Variants in CSMD1 observed in about 807,000 individuals in gnomAD.
CSMD1 encodes CUB and sushi domain-containing protein 1.
In CSMD1, 213 loss-of-function variants were observed where a neutral mutation model predicts 417.5. The ratio of observed to expected loss-of-function variants is 0.51; its 90% CI spans 0.46 to 0.57. The LOEUF is 0.57. CSMD1 is among the 20% of genes least tolerant of loss of function. The probability of loss-of-function intolerance (pLI) is 0.00; values close to 1 mark genes in which losing one functional copy is unlikely to be tolerated. For missense variants in CSMD1, 6,923 were observed against 4,529.7 expected, an observed-to-expected ratio of 1.53 and a Z score of -15.17; for synonymous variants, 2,862 against 1,736.8, an observed-to-expected ratio of 1.65 and a Z score of -16.11.
intron 5 of CSMD1, among the ~76,000 whole-genome samples, chr8:3,865,514 G>T (rs1003208995): frequency 2.0e-5 from 3 of 152,030 alleles, no homozygotes; most frequent in African/African-American, 4.8e-5. Context: ...AATAGTGGGG[G>T]AAAGAGTTGG....
intron 30 of CSMD1, among the ~76,000 whole-genome samples, chr8:3,207,892 G>T (rs1056683936): frequency 6.6e-6 from 1 of 152,020 alleles, no homozygotes; most frequent in Admixed American, 6.6e-5. Context: ...CTTTTAGATG[G>T]AGGATATTTC....
chr8:4,497,721 A>G (rs1802049894), intron 2 of CSMD1, among the ~76,000 whole-genome samples: 1 of 152,240 alleles, frequency 6.6e-6, no homozygotes, highest in African/African-American at 2.4e-5. Context: ...CTAAAAATAC[A>G]CAACTCCTTT....
chr8:4,296,717 T>C (rs1230566237), intron 3 of CSMD1, among the ~76,000 whole-genome samples: 1 of 129,210 alleles, frequency 7.7e-6, no homozygotes, highest in Non-Finnish European at 1.7e-5. Flanking sequence ...TTTTTTTTTC[T>C]CCAGGGCTTA....
chr8:3,915,682 T>C (rs1025236949), intron 5 of CSMD1, among the ~76,000 whole-genome samples: 1 of 151,544 alleles, frequency 6.6e-6, no homozygotes, highest in African/African-American at 2.4e-5. Flanking sequence ...ACTAATAATG[T>C]AGAACTCTAT....
chr8:3,553,310 A>T (rs1798999037), intron 10 of CSMD1, among the ~76,000 whole-genome samples: 1 of 152,174 alleles, frequency 6.6e-6, no homozygotes, highest in Admixed American at 6.5e-5. Context: ...GAGACATGAG[A>T]GCCAATTTCA....
chr8:4,131,313 G>A (rs1803088854), intron 3 of CSMD1, among the ~76,000 whole-genome samples: 1 of 152,162 alleles, frequency 6.6e-6, no homozygotes, highest in Non-Finnish European at 1.5e-5. Context: ...CCTGTAATGT[G>A]AGGTCTGACT....
intron 23 of CSMD1, among the ~76,000 whole-genome samples, chr8:3,317,592 T>G (rs1805858837): frequency 6.6e-6 from 1 of 152,220 alleles, no homozygotes; most frequent in South Asian, 2.1e-4. Flanking sequence ...AATTTTGTTT[T>G]GTTTTGTTTA....
Position 4,281,393 on chromosome 8 carries a change from A to G in CSMD1, c.415+138560T>C, listed in dbSNP as rs111357375. The stretch of plus-strand genomic sequence containing the variant: ...TGCATAAACCAGTGGTTTTTCACCA[A>G]AAAACAGCTTTAAATTATCATGTCT... On this transcript the variant is annotated intron_variant, in intron 3 of 69. Coordinates refer to ENST00000635120, the MANE Select transcript of CSMD1 (RefSeq NM_033225.6). 1.2e-3 allele frequency among the ~76,000 whole-genome samples: 178 copies of G among 152,280 alleles called. 1 individual carries two copies. Among genetic ancestry groups the G allele is most frequent in the African/African-American group, 4.0e-3 (166 of 41,574 alleles).
intron 26 of CSMD1, among the ~76,000 whole-genome samples, chr8:3,232,352 T>G (rs1213454695): frequency 1.3e-5 from 2 of 152,236 alleles, no homozygotes; most frequent in Non-Finnish European, 2.9e-5. Flanking sequence ...GTTCTGTGAC[T>G]CTCTGTCTCT....
intron 5 of CSMD1, among the ~76,000 whole-genome samples, chr8:3,810,699 A>G (rs766176153): frequency 3.9e-5 from 6 of 152,208 alleles, no homozygotes; most frequent in Non-Finnish European, 7.3e-5. Flanking sequence ...GAAATGGTTT[A>G]TCTCTTGTAA....
intron 10 of CSMD1, among the ~76,000 whole-genome samples, chr8:3,545,454 A>G (rs1335233209): frequency 6.6e-6 from 1 of 152,218 alleles, no homozygotes; most frequent in Non-Finnish European, 1.5e-5. Flanking sequence ...GCAAAACAGA[A>G]GGTAAATTTT....
At chr8:3,185,434 T>C (rs1394350087) in intron 36 of CSMD1, among the ~76,000 whole-genome samples, 1 of 152,226 alleles carries the variant, frequency 6.6e-6, no homozygotes, top group African/African-American at 2.4e-5. Context: ...GTCTTAATTT[T>C]GCCGTCTCCT....
intron 3 of CSMD1, among the ~76,000 whole-genome samples, chr8:4,125,035 A>G (rs1647329): frequency 0.99 from 150,476 of 152,070 alleles, 74,474 homozygotes; most frequent in Non-Finnish European, 1. Flanking sequence ...TGGGGTCCGC[A>G]CGTTTCTCTA....
chr8:3,940,054 G>A (rs957548296), intron 5 of CSMD1, among the ~76,000 whole-genome samples: 4 of 152,086 alleles, frequency 2.6e-5, no homozygotes, highest in Non-Finnish European at 4.4e-5. Context: ...CTGAAGATGT[G>A]TAGATTTACA....
intron 3 of CSMD1, among the ~76,000 whole-genome samples, chr8:4,289,507 C>G (rs1051543056): frequency 3.3e-5 from 5 of 152,172 alleles, no homozygotes; most frequent in Non-Finnish European, 7.3e-5. Flanking sequence ...GTTCTGTCCA[C>G]TGTCAGTATG....
chr8:3,108,627 C>T lies in CSMD1; in HGVS notation c.6730G>A (p.Gly2244Ser), dbSNP rs866392516. ...CCGTGGAAATTGAGGACAAAGAAGC[C>T]TCCATTTGAAAAGTCGCTGTGGAAC... ...LKFHSDFSNG[G>S]FFVLNFHAFQ... Residue 2244 changes from glycine (G) to serine (S), a missense_variant, in exon 44 of 70, where the codon GGC (glycine) becomes AGC (serine). Gly to Ser is a moderately conservative substitution (Grantham distance 56). Coordinates refer to ENST00000635120, the MANE Select transcript of CSMD1 (RefSeq NM_033225.6). 1.2e-6 allele frequency: 2 copies of T among 1,613,776 alleles called. No individual in the cohort carries two copies. Among genetic ancestry groups the T allele is most frequent in the East Asian group, 2.2e-5 (1 of 44,854 alleles).
At position 3,904,452 on chromosome 8, in the gene CSMD1, G is replaced by A. The variant is rs76449647; in HGVS notation, c.818+93451C>T. 3.3e-5 allele frequency among the ~76,000 whole-genome samples: 5 copies of A among 152,228 alleles called. No individual in the cohort carries two copies. In the East Asian group the frequency reaches 7.7e-4, roughly 24 times the overall value. ...TGAGTGTGTCTAGGAATGTCCCAGA[G>A]ATTTCAGTAAATGCACATTTGGCCA... On this transcript the variant is annotated intron_variant, in intron 5 of 69. Transcript: ENST00000635120.
chr8:3,045,670 G>A (rs566142884), intron 50 of CSMD1, among the ~76,000 whole-genome samples: 88 of 152,226 alleles, frequency 5.8e-4, no homozygotes, highest in African/African-American at 2.1e-3. Flanking sequence ...GTTTTATAAT[G>A]CATCAGATTT....
At chr8:2,947,464 TGTAAA>T (rs1329367251) in intron 68 of CSMD1, among the ~76,000 whole-genome samples, 5 of 152,238 alleles carry the variant, frequency 3.3e-5, no homozygotes, top group Admixed American at 2.0e-4. Context: ...CAAATTATTT[TGTAAA>T]GTAAACTGTT....
Sources: gnomAD v4.1 joint callset for allele counts (sites outside exome capture counted in the v4.1 genomes callset) on GRCh38, gnomAD v4.1.1 for gene constraint, MANE v1.5 for transcripts, NCBI Gene and HGNC (gene_info 2026-07-23, HGNC 2026-07-21) for gene names.